Variants in DIS3 observed in about 807,000 individuals in gnomAD.
DIS3 encodes DIS3 exosome endoribonuclease and 3'-5' exoribonuclease, also known as exosome complex exonuclease RRP44.
In DIS3, 103 loss-of-function variants were observed where a neutral mutation model predicts 113.0. The ratio of observed to expected loss-of-function variants is 0.91; its 90% CI spans 0.78 to 1.07. The LOEUF (loss-of-function observed/expected upper bound fraction) is 1.07, where lower values mean the gene tolerates loss of function less well. DIS3 is among the 50% of genes least tolerant of loss of function. The pLI, the probability that DIS3 is intolerant of heterozygous loss-of-function variation, is 0.00. For synonymous variants in DIS3, 402 were observed against 394.3 expected, an observed-to-expected ratio of 1.02 and a Z score of -0.23; for missense variants, 1,121 against 1,167.1, an observed-to-expected ratio of 0.96 and a Z score of 0.58.
At position 72,781,765 on chromosome 13, in the gene DIS3, T is replaced by C. The variant is rs1242895013; in HGVS notation, c.68A>G (p.His23Arg). 16 of 1,603,956 alleles carry C rather than the reference T, an allele frequency of 1.0e-5. No homozygotes were observed. Among genetic ancestry groups the C allele is most frequent in the Admixed American group, 1.7e-5 (1 of 58,766 alleles). Reference protein sequence around the residue: ...AGGVMKIVREHYLRDDIGCGA... With the variant: ...AGGVMKIVRERYLRDDIGCGA... Reference sequence around the variant, plus strand: ...GCAGCCGATGTCGTCTCGCAGGTAGTGCTCGCGCACGATCTTCATCACGCC... The same window carrying C: ...GCAGCCGATGTCGTCTCGCAGGTAGCGCTCGCGCACGATCTTCATCACGCC... The change falls in exon 1 of 21, where the codon CAC becomes CGC. Residue 23 changes from histidine (H) to arginine (R), a missense_variant. This residue lies in a region of DIS3 where 254 missense variants were observed against 232.2 expected (regional missense o/e 1.09). Transcript: ENST00000377767.
At chr13:72,777,642 C>T in intron 3 of DIS3, 149 bp from the exon 4 acceptor site, 1 of 709,898 alleles carries the variant, frequency 1.4e-6, no homozygotes, top group Non-Finnish European at 2.4e-6. Context: ...GGCTGGAGTG[C>T]AGCGGCGCAA....
intron 14 of DIS3, among the ~76,000 whole-genome samples, chr13:72,768,304 G>C (rs1389180699): frequency 6.6e-6 from 1 of 152,128 alleles, no homozygotes; most frequent in Non-Finnish European, 1.5e-5. Flanking sequence ...CAAATTACAA[G>C]GATGGAACTC....
intron 16 of DIS3, among the ~76,000 whole-genome samples, chr13:72,763,021 G>A (rs1368094030): frequency 6.6e-6 from 1 of 151,934 alleles, no homozygotes; most frequent in Non-Finnish European, 1.5e-5. Context: ...GGCTGGGTGC[G>A]GTGGCTCACA....
chr13:72,780,477 T>A (rs112725468), intron 2 of DIS3, among the ~76,000 whole-genome samples: 2 of 152,108 alleles, frequency 1.3e-5, no homozygotes, highest in Non-Finnish European at 2.9e-5. Context: ...CAAACTCATA[T>A]ATTTTATTAC....
rs375074029 is a variant in DIS3 at position 72,760,536 on chromosome 13, T to A, written c.2786A>T (p.Glu929Val). Residue 929 changes from glutamate to valine, a missense_variant, in exon 20 of 21, where the codon GAA (glutamate) becomes GTA (valine). Transcript: ENST00000377767. ...QHQKIRMSLV[E>V]PQIPGISIPT... is the part of the protein sequence containing the mutation. ...TTTTAAGTTTGGCCTTACCTGTGGT[T>A]CTACCAGGGACATTCGGATCTTCTG... 1 of 1,613,456 alleles carries A rather than the reference T, an allele frequency of 6.2e-7. No individual in the cohort carries two copies. Among genetic ancestry groups the A allele is most frequent in the Non-Finnish European group, 8.5e-7 (1 of 1,179,638 alleles).
chr13:72,774,403 T>C (rs1366488282), intron 6 of DIS3, among the ~76,000 whole-genome samples: 1 of 152,168 alleles, frequency 6.6e-6, no homozygotes. Flanking sequence ...AGATTAGGGT[T>C]TTAGTACTAG....
chr13:72,753,775 C>T lies in DIS3; in HGVS notation c.*6020G>A. The T allele has an allele frequency of 6.2e-7, 1 of 1,613,280 alleles. No individual in the cohort carries two copies. Among genetic ancestry groups the T allele is most frequent in the African/African-American group, 1.3e-5 (1 of 74,972 alleles). On this transcript the variant is annotated 3_prime_UTR_variant, in exon 21 of 21. Transcript: ENST00000377767. ...GAAAGTTACTGCAAAGAAAGTGATG[C>T]ACAAACATGTGAAGTTGAGAGTAAA...
chr13:72,772,317 G>A (rs2033905297), intron 9 of DIS3, 42 bp from the exon 10 acceptor site: 1 of 1,422,020 alleles, frequency 7.0e-7, no homozygotes, highest in Non-Finnish European at 9.8e-7. Flanking sequence ...TATTTCCAAA[G>A]CACAACTACA....
At chr13:72,780,691 C>G (rs1329888610) in intron 2 of DIS3, among the ~76,000 whole-genome samples, 155 bp downstream of exon 2, 2 of 152,150 alleles carry the variant, frequency 1.3e-5, no homozygotes, top group African/African-American at 4.8e-5. Context: ...GAGAGATCCA[C>G]TTAGCATTAT....
rs768281286 is a variant in DIS3 at position 72,771,877 on chromosome 13, T to A, written c.1523A>T (p.Asp508Val). Residue 508 changes from aspartate to valine, a missense_variant, in exon 11 of 21, where the codon GAT becomes GTT. Physicochemically the swap from Asp to Val is radical, Grantham distance 152 (BLOSUM62 -3). Coordinates refer to ENST00000377767, the MANE Select transcript of DIS3 (RefSeq NM_014953.5). ...TCCTGGCCTAATAAAATGGCTCACA[T>A]CAGCAATATGAACACCAACCTTAAA... ...GNLEVGVHIA[D>V]VSHFIRPGNA... The A allele has an allele frequency of 1.2e-6, 2 of 1,613,634 alleles. No individual in the cohort carries two copies. Among genetic ancestry groups the A allele is most frequent in the Non-Finnish European group, 1.7e-6 (2 of 1,179,842 alleles).
intron 1 of DIS3, 76 bp from the exon 2 acceptor site, chr13:72,781,079 G>T: frequency 6.8e-7 from 1 of 1,464,046 alleles, no homozygotes; most frequent in Non-Finnish European, 9.3e-7. Context: ...CCTGTTTTAT[G>T]TTGGGCATAA....
chr13:72,781,203 C>G (rs1004354038), intron 1 of DIS3, 200 bp from the exon 2 acceptor site: 1 of 1,501,156 alleles, frequency 6.7e-7, no homozygotes, highest in Non-Finnish European at 9.1e-7. Flanking sequence ...CACACTTAAA[C>G]AGACCAATCA....
At chr13:72,765,379 T>C (rs1006857342) in intron 15 of DIS3, among the ~76,000 whole-genome samples, 1 of 152,142 alleles carries the variant, frequency 6.6e-6, no homozygotes, top group Admixed American at 6.5e-5. Context: ...TACCCTACTA[T>C]CTATCCTACT....
intron 2 of DIS3, among the ~76,000 whole-genome samples, chr13:72,780,541 T>C (rs182381251): frequency 4.0e-4 from 61 of 152,186 alleles, no homozygotes; most frequent in Admixed American, 1.2e-3. Flanking sequence ...GCAAATCTCA[T>C]CTTCCAAGAT....
rs374997916 is a variant in DIS3 at position 72,755,268 on chromosome 13, G to A, written c.*4527C>T. 43 of 1,444,992 alleles carry A rather than the reference G, an allele frequency of 3.0e-5. No homozygotes were observed. In the African/African-American group the frequency reaches 3.1e-4, roughly 10 times the overall value. 89.5% of individuals were successfully genotyped at this position (1,444,992 alleles called of 1,614,324 possible). On this transcript the variant is annotated 3_prime_UTR_variant, in exon 21 of 21. Transcript: ENST00000377767. ...AGCTTAAGAGTTCCTCGCATATATC[G>A]TTGTGCACAGGATCAACATGATGGT... is the stretch of plus-strand genomic sequence containing the variant.
In DIS3 at chr13:72,765,963, A is replaced by T. The variant is rs1215971380; in HGVS notation, c.1970+9T>A. The T allele has an allele frequency of 6.3e-7, 1 of 1,585,724 alleles. No homozygotes were observed. Among genetic ancestry groups the T allele is most frequent in the Admixed American group, 1.8e-5 (1 of 55,020 alleles). On this transcript the variant is annotated intron_variant, in intron 15 of 20. Transcript: ENST00000377767. Reference sequence around the variant, plus strand: ...ATCTTATCTAATGCCCATCAAAAAAATTACAAACCTAAGTTCCTTGGTCTG... The same window carrying T: ...ATCTTATCTAATGCCCATCAAAAAATTTACAAACCTAAGTTCCTTGGTCTG...
chr13:72,781,800 G>T lies in DIS3; in HGVS notation c.33C>A (p.Thr11=). The part of the protein sequence containing the change: MLKSKTFLKK[T]RAGGVMKIVR... ...CGATCTTCATCACGCCGCCCGCCCG[G>T]GTCTTTTTTAAGAACGTCTTGGACT... The change falls in exon 1 of 21, where the codon ACC becomes ACA. Residue 11 remains threonine, a synonymous_variant. Transcript: ENST00000377767. 1 of 1,604,060 alleles carries T rather than the reference G, an allele frequency of 6.2e-7. No individual in the cohort carries two copies. The highest frequency in any genetic ancestry group is 8.5e-7 in the Non-Finnish European group (1 of 1,175,004).
In DIS3 at chr13:72,780,915, T is replaced by TA; in HGVS notation, c.316dup (p.Tyr106LeufsTer2). 6.2e-7 allele frequency: 1 copy of TA among 1,613,576 alleles called. No individual in the cohort carries two copies. The highest frequency in any genetic ancestry group is 8.5e-7 in the Non-Finnish European group (1 of 1,179,894). ...ATTAGTCACATCTCGGATGCGTTTA[T>TA]ATACGGGGGCACTGCGATTTCTCAC... On this transcript the variant is annotated frameshift_variant, in exon 2 of 21. Coordinates refer to ENST00000377767, the MANE Select transcript of DIS3 (RefSeq NM_014953.5). LOFTEE classifies it high-confidence loss of function.
At position 72,753,685 on chromosome 13, in the gene DIS3, G is replaced by A. The variant is rs199869852; in HGVS notation, c.*6110C>T. 3.5e-4 allele frequency: 556 copies of A among 1,601,358 alleles called. 2 individuals are homozygous for A. The Middle Eastern group carries it at 5.3e-3, about 15-fold the overall frequency. On this transcript the variant is annotated 3_prime_UTR_variant, in exon 21 of 21. Coordinates refer to ENST00000377767, the MANE Select transcript of DIS3 (RefSeq NM_014953.5). Reference sequence around the variant, plus strand: ...AATATATTTTTTTCTTTTTTCTCCTGTCAGATGGATAGTGGCTATAATACG... The same window carrying A: ...AATATATTTTTTTCTTTTTTCTCCTATCAGATGGATAGTGGCTATAATACG...
Sources: allele counts gnomAD v4.1 joint callset (sites outside exome capture counted in the v4.1 genomes callset), GRCh38; gene constraint gnomAD v4.1.1; regional missense constraint gnomAD v4.1.1; transcripts MANE v1.5; gene names NCBI Gene and HGNC (gene_info 2026-07-23, HGNC 2026-07-21).